Variants in DOK6 observed in about 807,000 individuals in gnomAD.
The protein encoded by DOK6 is downstream of tyrosine kinase 6.
DOK6 carries 22 observed loss-of-function variants against 44.0 expected under a neutral mutation model. That is an observed-to-expected ratio of 0.50 (90% CI 0.36 to 0.71). DOK6 has a LOEUF of 0.71. Ranked by LOEUF, DOK6 falls within the 30% of genes least tolerant of loss-of-function variation. The probability of loss-of-function intolerance (pLI) is 0.00; values close to 1 mark genes in which losing one functional copy is unlikely to be tolerated. For missense variants in DOK6, 340 were observed against 416.4 expected (o/e 0.82, Z 1.60); for synonymous variants, 166 against 145.5 (o/e 1.14, Z -1.01).
At chr18:69,690,239 A>G (rs1986235966) in intron 4 of DOK6, among the ~76,000 whole-genome samples, 1 of 152,132 alleles carries the variant, frequency 6.6e-6, no homozygotes, top group Non-Finnish European at 1.5e-5. Flanking sequence ...AAGCATTCCA[A>G]TTCACAGTGA....
chr18:69,597,689 A>G (rs1306961235), intron 2 of DOK6, among the ~76,000 whole-genome samples: 2 of 152,242 alleles, frequency 1.3e-5, no homozygotes, highest in African/African-American at 2.4e-5. Context: ...CACAAACACA[A>G]TAAGACACAG....
intron 1 of DOK6, among the ~76,000 whole-genome samples, chr18:69,502,427 C>G (rs1486314721): frequency 6.6e-6 from 1 of 151,848 alleles, no homozygotes; most frequent in African/African-American, 2.4e-5. Flanking sequence ...AGAAATAATT[C>G]AAAAAACAAA....
Position 69,712,278 on chromosome 18 carries a change from C to G in DOK6, c.599+13685C>G, listed in dbSNP as rs12966992. On this transcript the variant is annotated intron_variant, in intron 5 of 7. Coordinates refer to ENST00000382713, the MANE Select transcript of DOK6 (RefSeq NM_152721.6). The stretch of plus-strand genomic sequence containing the variant: ...CCTGGGCGACAGAGCGAGACTCCGT[C>G]TCAAAAAAAAAAAAAAAAAAAAAAA... Among the ~76,000 whole-genome samples the G allele has an allele frequency of 6.7e-3, 251 of 37,636 alleles. 2 individuals are homozygous for G. Among genetic ancestry groups the G allele is most frequent in the African/African-American group, 0.026 (244 of 9,284 alleles). The allele number at this position is 37,636 out of a possible 152,430, so 24.7% of individuals were successfully genotyped here.
intron 7 of DOK6, among the ~76,000 whole-genome samples, chr18:69,790,672 G>T (rs934284061): frequency 6.6e-6 from 1 of 151,784 alleles, no homozygotes; most frequent in Admixed American, 6.6e-5. Flanking sequence ...AAGTACATAG[G>T]TATATATATT....
At chr18:69,405,022 G>A (rs886940600) in intron 1 of DOK6, among the ~76,000 whole-genome samples, 2 of 152,210 alleles carry the variant, frequency 1.3e-5, no homozygotes, top group Admixed American at 6.5e-5. Flanking sequence ...GGGAAGCAGG[G>A]AAATGTGGAG....
chr18:69,492,789 A>AG (rs1980771380), intron 1 of DOK6, among the ~76,000 whole-genome samples: 1 of 96,388 alleles, frequency 1.0e-5, no homozygotes, highest in Non-Finnish European at 2.7e-5. Flanking sequence ...GTGTATATGT[A>AG]CCAAATTTTC....
At chr18:69,542,189 G>T (rs73970154) in intron 1 of DOK6, among the ~76,000 whole-genome samples, 7 of 151,532 alleles carry the variant, frequency 4.6e-5, no homozygotes, top group Admixed American at 4.6e-4. Context: ...GTTTGGAGAA[G>T]AAGAGAAGGA....
chr18:69,740,186 G>C (rs1260092074), intron 6 of DOK6, among the ~76,000 whole-genome samples: 2 of 152,168 alleles, frequency 1.3e-5, no homozygotes, highest in Non-Finnish European at 2.9e-5. Context: ...AGGATGATTA[G>C]GATGAGACTG....
intron 3 of DOK6, among the ~76,000 whole-genome samples, chr18:69,670,666 T>A (rs1345257380): frequency 6.6e-6 from 1 of 152,042 alleles, no homozygotes; most frequent in East Asian, 1.9e-4. Context: ...CAAGCCACCA[T>A]GCCCAGCTAA....
At chr18:69,759,211 G>A (rs1455951833) in intron 7 of DOK6, among the ~76,000 whole-genome samples, 4 of 152,128 alleles carry the variant, frequency 2.6e-5, no homozygotes, top group Non-Finnish European at 5.9e-5. Flanking sequence ...AAGAGAAGAC[G>A]AGTATCTTAT....
At chr18:69,420,069 A>T (rs1369769047) in intron 1 of DOK6, among the ~76,000 whole-genome samples, 1 of 152,038 alleles carries the variant, frequency 6.6e-6, no homozygotes, top group East Asian at 1.9e-4. Flanking sequence ...AACTAAATTT[A>T]TTTTTTGACA....
At chr18:69,574,890 C>T (rs772783699) in intron 2 of DOK6, among the ~76,000 whole-genome samples, 31 of 152,056 alleles carry the variant, frequency 2.0e-4, no homozygotes, top group Middle Eastern at 3.4e-3. Flanking sequence ...ATAATATTCC[C>T]ACTTCCCAAA....
At chr18:69,461,613 A>G (rs1393128142) in intron 1 of DOK6, among the ~76,000 whole-genome samples, 2 of 152,100 alleles carry the variant, frequency 1.3e-5, no homozygotes, top group Admixed American at 6.6e-5. Flanking sequence ...CAATCTTTAT[A>G]TTATTTATCT....
At chr18:69,652,941 C>T (rs1985268349) in intron 3 of DOK6, among the ~76,000 whole-genome samples, 1 of 152,148 alleles carries the variant, frequency 6.6e-6, no homozygotes, top group Non-Finnish European at 1.5e-5. Context: ...TTTTCAGACC[C>T]ATGTATATTC....
intron 3 of DOK6, among the ~76,000 whole-genome samples, chr18:69,648,092 G>A (rs767542905): frequency 6.6e-5 from 10 of 152,062 alleles, no homozygotes; most frequent in South Asian, 2.1e-4. Flanking sequence ...TCCTTTTCTC[G>A]CTGAAAAATA....
chr18:69,413,712 A>G (rs1458398855), intron 1 of DOK6, among the ~76,000 whole-genome samples: 1 of 152,006 alleles, frequency 6.6e-6, no homozygotes, highest in Non-Finnish European at 1.5e-5. Flanking sequence ...CTTGACAACA[A>G]AATCATGATC....
intron 1 of DOK6, among the ~76,000 whole-genome samples, chr18:69,559,980 C>T (rs1982788240): frequency 6.6e-6 from 1 of 152,100 alleles, no homozygotes; most frequent in Non-Finnish European, 1.5e-5. Context: ...GGCCCCATCT[C>T]CAAATACTAG....
intron 1 of DOK6, among the ~76,000 whole-genome samples, chr18:69,500,116 A>G (rs148186640): frequency 4.9e-4 from 74 of 152,278 alleles, no homozygotes; most frequent in African/African-American, 1.7e-3. Context: ...ATACAGGTAC[A>G]TGAGATTGTG....
chr18:69,610,922 A>G (rs939457489), intron 3 of DOK6, among the ~76,000 whole-genome samples: 1 of 152,122 alleles, frequency 6.6e-6, no homozygotes, highest in African/African-American at 2.4e-5. Flanking sequence ...ATGGATATTT[A>G]GGAGCAACTG....
Sources: allele counts gnomAD v4.1 joint callset (sites outside exome capture counted in the v4.1 genomes callset), GRCh38; gene constraint gnomAD v4.1.1; transcripts MANE v1.5; gene names NCBI Gene and HGNC (gene_info 2026-07-23, HGNC 2026-07-21).